The following TOX2 variants were observed in gnomAD, a reference collection of about 807,000 sequenced individuals.
The protein encoded by TOX2 is granulosa cell HMG box 1.
A neutral mutation model predicts 47.4 loss-of-function variants in TOX2; 15 were observed. That is an observed-to-expected ratio of 0.32 (90% CI 0.21 to 0.49). TOX2 has a LOEUF of 0.49. Among genes scored for constraint, TOX2 ranks in the 20% least tolerant of loss-of-function variants. The probability of loss-of-function intolerance (pLI) is 0.99; values close to 1 mark genes in which losing one functional copy is unlikely to be tolerated. For synonymous variants in TOX2, 290 were observed against 296.6 expected (o/e 0.98, Z 0.23); for missense variants, 622 against 673.1 (o/e 0.92, Z 0.84).
intron 3 of TOX2, among the ~76,000 whole-genome samples, chr20:44,016,802 A>G (rs768360004): frequency 8.4e-4 from 128 of 152,328 alleles, no homozygotes; most frequent in Non-Finnish European, 1.5e-3. Context: ...GGCTGCCTGG[A>G]TGCTCTGGGC....
At chr20:43,958,459 C>G (rs551374544) in intron 1 of TOX2, among the ~76,000 whole-genome samples, 1 of 152,226 alleles carries the variant, frequency 6.6e-6, no homozygotes, top group Non-Finnish European at 1.5e-5. Context: ...TTTGCTCACT[C>G]TGGACCCACT....
chr20:44,039,634 A>C (rs1213869927), intron 3 of TOX2, among the ~76,000 whole-genome samples: 1 of 152,204 alleles, frequency 6.6e-6, no homozygotes, highest in Non-Finnish European at 1.5e-5. Flanking sequence ...ATTGAAAGGA[A>C]AGAAAGTCAT....
At chr20:43,988,925 A>G (rs918940286) in intron 2 of TOX2, among the ~76,000 whole-genome samples, 2 of 152,094 alleles carry the variant, frequency 1.3e-5, no homozygotes, top group African/African-American at 2.4e-5. Flanking sequence ...AGGTAACTCT[A>G]ATTTATTATG....
At chr20:44,035,059 T>C (rs1386111039) in intron 3 of TOX2, among the ~76,000 whole-genome samples, 1 of 152,236 alleles carries the variant, frequency 6.6e-6, no homozygotes, top group Non-Finnish European at 1.5e-5. Flanking sequence ...AATATCAATC[T>C]TCCTCAGTGC....
intron 3 of TOX2, among the ~76,000 whole-genome samples, chr20:44,027,790 G>A (rs2071088726): frequency 6.6e-6 from 1 of 152,232 alleles, no homozygotes; most frequent in South Asian, 2.1e-4. Context: ...GGCCAGTGGG[G>A]AGCAGGACAA....
At chr20:44,043,300 ATTG>A (rs1356757384) in intron 3 of TOX2, among the ~76,000 whole-genome samples, 1 of 152,090 alleles carries the variant, frequency 6.6e-6, no homozygotes, top group Non-Finnish European at 1.5e-5. Flanking sequence ...AAGAGCCCAT[ATTG>A]TTGTTGCTGC....
chr20:44,047,942 G>A (rs1266522289), intron 3 of TOX2, among the ~76,000 whole-genome samples: 3 of 152,088 alleles, frequency 2.0e-5, no homozygotes, highest in Non-Finnish European at 2.9e-5. Flanking sequence ...CTTTTGGCCG[G>A]GTGTGGTGGC....
chr20:43,918,123 C>A (rs2069077776), intron 1 of TOX2, among the ~76,000 whole-genome samples: 1 of 152,144 alleles, frequency 6.6e-6, no homozygotes, highest in Admixed American at 6.5e-5. Context: ...CCTGTAACAT[C>A]TTTCTTAGGG....
At chr20:44,039,772 G>T (rs1175508118) in intron 3 of TOX2, among the ~76,000 whole-genome samples, 1 of 152,066 alleles carries the variant, frequency 6.6e-6, no homozygotes, top group Non-Finnish European at 1.5e-5. Context: ...ACTGAGGGGA[G>T]AGGAAGTCGA....
At chr20:43,976,782 G>GCGCACACACACA (rs1555835309) in intron 2 of TOX2, among the ~76,000 whole-genome samples, 4 of 146,434 alleles carry the variant, frequency 2.7e-5, no homozygotes, top group African/African-American at 1.0e-4. Context: ...GAGCGCGCGC[G>GCGCACACACACA]CACACACACA....
intron 1 of TOX2, among the ~76,000 whole-genome samples, chr20:43,934,136 G>GGAGA (rs56662660): frequency 0.3 from 36,764 of 121,712 alleles, 5,905 homozygotes; most frequent in South Asian, 0.46. Flanking sequence ...CCCAAGGTAA[G>GGAGA]GAGAGAGAGA....
intron 1 of TOX2, among the ~76,000 whole-genome samples, chr20:43,924,525 C>T (rs1328586370): frequency 6.6e-6 from 1 of 152,170 alleles, no homozygotes; most frequent in Admixed American, 6.5e-5. Context: ...CCAGGGCTTT[C>T]TCTTTGGGCT....
chr20:43,941,208 T>C (rs2069397947), intron 1 of TOX2, among the ~76,000 whole-genome samples: 1 of 152,160 alleles, frequency 6.6e-6, no homozygotes, highest in African/African-American at 2.4e-5. Flanking sequence ...GGTTACCTTA[T>C]GTTCACCTGC....
intron 3 of TOX2, among the ~76,000 whole-genome samples, chr20:44,029,946 T>G (rs6073289): frequency 0.67 from 101,898 of 151,964 alleles, 34,609 homozygotes; most frequent in East Asian, 0.78. Flanking sequence ...TTGACTGTAT[T>G]AGACCAGGCT....
chr20:43,915,093 C>T lies in TOX2; in HGVS notation c.99+103C>T, dbSNP rs1212695122. 3 of 606,712 alleles carry T rather than the reference C, an allele frequency of 4.9e-6. No homozygotes were observed. In the African/African-American group the frequency reaches 6.0e-5, roughly 12 times the overall value. The allele number at this position is 606,712 out of a possible 1,614,324, so 37.6% of individuals were successfully genotyped here. A position where few individuals can be genotyped will look rare whatever the true frequency, so the allele number is the denominator to read the frequency against. ...GTCACACGGGGCCGCGCACATCAGC[C>T]CCGCCGACGGGCACGGGCGGCTCAC... On this transcript the variant is annotated intron_variant, in intron 1 of 8. Transcript: ENST00000341197. This position sits in a 1 kb window ranked among gnomAD's most constrained non-coding sequence, Gnocchi z 7.1.
intron 1 of TOX2, among the ~76,000 whole-genome samples, chr20:43,945,457 T>C (rs1468085389): frequency 6.6e-6 from 1 of 152,250 alleles, no homozygotes; most frequent in African/African-American, 2.4e-5. Context: ...CATGCATCCA[T>C]GCACTGAGTA....
At chr20:43,990,750 G>A (rs2070355361) in intron 2 of TOX2, among the ~76,000 whole-genome samples, 1 of 152,148 alleles carries the variant, frequency 6.6e-6, no homozygotes, top group African/African-American at 2.4e-5. Context: ...GTGTGCTCTA[G>A]GGGACTTCAC....
intron 1 of TOX2, among the ~76,000 whole-genome samples, chr20:43,943,460 C>T (rs540858701): frequency 6.6e-6 from 1 of 152,142 alleles, no homozygotes; most frequent in African/African-American, 2.4e-5. Flanking sequence ...TTGACTGACA[C>T]CTTTTTCATG....
In TOX2 at chr20:43,985,720, C is replaced by T. The variant is rs202157755; in HGVS notation, c.165+12288C>T. The stretch of plus-strand genomic sequence containing the variant: ...ACATACTCAGCCCCAAGTAGAGGCC[C>T]GGAAGCCCTGGGGTCAGGCCAGTGA... On this transcript the variant is annotated intron_variant, in intron 2 of 8. Coordinates refer to ENST00000341197, the MANE Select transcript of TOX2 (RefSeq NM_001098797.2). Among the ~76,000 whole-genome samples the T allele has an allele frequency of 5.3e-5, 8 of 152,222 alleles. No homozygotes were observed. In the East Asian group the frequency reaches 5.8e-4, roughly 11 times the overall value.
Sources: gnomAD v4.1 joint callset for allele counts (sites outside exome capture counted in the v4.1 genomes callset) on GRCh38, gnomAD v4.1.1 for gene constraint, Gnocchi (gnomAD v3.1) non-coding constraint, MANE v1.5 for transcripts, NCBI Gene and HGNC (gene_info 2026-07-23, HGNC 2026-07-21) for gene names.